TRIM54: variants seen among roughly 807,000 people sequenced by gnomAD.
The protein encoded by TRIM54 is tripartite motif containing 54.
In TRIM54, 40 loss-of-function variants were observed where a neutral mutation model predicts 42.0. The ratio of observed to expected loss-of-function variants is 0.95; its 90% CI spans 0.74 to 1.24. TRIM54 has a LOEUF of 1.24. Among genes scored for constraint, TRIM54 ranks in the 50% most tolerant of loss-of-function variants. The pLI is 0.00. For missense variants in TRIM54, 485 were observed against 480.3 expected (o/e 1.01, Z -0.09); for synonymous variants, 199 against 194.9 (o/e 1.02, Z -0.17).
chr2:27,297,306 C>T (rs549976901), intron 1 of TRIM54, among the ~76,000 whole-genome samples: 3 of 152,312 alleles, frequency 2.0e-5, no homozygotes, highest in Admixed American at 6.5e-5. Flanking sequence ...CAGAACATGG[C>T]GTAGCCAGCT....
At chr2:27,291,236 T>C (rs779637806) in intron 1 of TRIM54, among the ~76,000 whole-genome samples, 7 of 151,976 alleles carry the variant, frequency 4.6e-5, no homozygotes, top group Non-Finnish European at 1.0e-4. Context: ...ACGCCTATAG[T>C]CCCAGCTACT....
At chr2:27,296,797 T>C (rs1334765741) in intron 1 of TRIM54, among the ~76,000 whole-genome samples, 2 of 152,172 alleles carry the variant, frequency 1.3e-5, no homozygotes, top group Non-Finnish European at 2.9e-5. Context: ...TTCCCTCTGT[T>C]GCCCAGGCTG....
chr2:27,288,247 G>A (rs1358177786), intron 1 of TRIM54, among the ~76,000 whole-genome samples: 1 of 152,198 alleles, frequency 6.6e-6, no homozygotes, highest in African/African-American at 2.4e-5. Flanking sequence ...TTCAGGTTGA[G>A]GGAAATAGCC....
intron 1 of TRIM54, among the ~76,000 whole-genome samples, chr2:27,286,634 G>A (rs902841290): frequency 7.2e-5 from 11 of 152,156 alleles, no homozygotes; most frequent in Admixed American, 5.2e-4. Flanking sequence ...TTGTTTTTGA[G>A]CCTGCAACCT....
chr2:27,292,428 G>A (rs575789090), intron 1 of TRIM54, among the ~76,000 whole-genome samples: 38 of 152,182 alleles, frequency 2.5e-4, no homozygotes, highest in African/African-American at 8.2e-4. Flanking sequence ...TTAAAAATTA[G>A]CTGGGCATGG....
At chr2:27,290,309 T>C (rs766756124) in intron 1 of TRIM54, among the ~76,000 whole-genome samples, 5 of 152,234 alleles carry the variant, frequency 3.3e-5, no homozygotes, top group African/African-American at 9.7e-5. Context: ...GTAATACATG[T>C]GCTTCTTAAC....
At position 27,306,399 on chromosome 2, in the gene TRIM54, G is replaced by A. The variant is rs539313977; in HGVS notation, c.992-57G>A. The A allele has an allele frequency of 3.4e-5, 55 of 1,612,776 alleles. No individual in the cohort carries two copies. In the African/African-American group the frequency reaches 6.3e-4, roughly 18 times the overall value. On this transcript the variant is annotated intron_variant, in intron 7 of 8. Coordinates refer to ENST00000380075, the MANE Select transcript of TRIM54 (RefSeq NM_187841.3). This position sits in a 1 kb window ranked among gnomAD's most constrained non-coding sequence, Gnocchi z 6.1. ...GGACCCTCTGTGTGGGGGGTGCGGC[G>A]GGCACGATGGCCGTAAAGGCAGGGA...
rs373195341 is a variant in TRIM54, at chr2:27,305,746, G to C, written c.772G>C (p.Glu258Gln). 1.2e-6 allele frequency: 2 copies of C among 1,611,900 alleles called. No homozygotes were observed. The highest frequency in any genetic ancestry group is 2.7e-5 in the African/African-American group (2 of 74,894). The change falls in exon 5 of 9, where the codon GAG becomes CAG. Residue 258 changes from glutamate to glutamine, a missense_variant. Physicochemically the swap from Glu to Gln is conservative, Grantham distance 29. Transcript: ENST00000380075. ...CATCCGTCAGTATGGCGACCACCTG[G>C]AGGCCTCCTCTAAGCTGGTGGAGTC... ...GLIRQYGDHL[E>Q]ASSKLVESAI... is the part of the protein sequence containing the mutation.
intron 3 of TRIM54, among the ~76,000 whole-genome samples, chr2:27,301,196 A>G (rs1679026380): frequency 1.4e-5 from 2 of 146,872 alleles, no homozygotes; most frequent in South Asian, 2.1e-4. Context: ...CTGGAATGCA[A>G]TGGCGCGATC....
chr2:27,300,127 C>T (rs921626298), intron 3 of TRIM54, among the ~76,000 whole-genome samples: 4 of 152,124 alleles, frequency 2.6e-5, no homozygotes, highest in Non-Finnish European at 5.9e-5. Context: ...CAGGCATGTG[C>T]CACCATGACC....
Position 27,295,201 on chromosome 2 carries a change from C to T in TRIM54, c.169-3366C>T, listed in dbSNP as rs560985550. ...TTGAGTGATTCTTGTGCCTCAGCCT[C>T]CCGAGTAGCTGGGATCCTCAACCAT... is the stretch of plus-strand genomic sequence containing the variant. On this transcript the variant is annotated intron_variant, in intron 1 of 8. Coordinates refer to ENST00000380075, the MANE Select transcript of TRIM54 (RefSeq NM_187841.3). 2.6e-5 allele frequency among the ~76,000 whole-genome samples: 4 copies of T among 151,906 alleles called. No homozygotes were observed. In the South Asian group the frequency reaches 8.3e-4, roughly 32 times the overall value.
At chr2:27,299,743 T>C in intron 3 of TRIM54, 1 of 605,440 alleles carries the variant, frequency 1.7e-6, no homozygotes, top group Non-Finnish European at 2.9e-6. Flanking sequence ...TCTCGCTCTG[T>C]CGCCCAGGCT....
intron 1 of TRIM54, among the ~76,000 whole-genome samples, chr2:27,290,882 T>A (rs1043347254): frequency 1.3e-5 from 2 of 152,162 alleles, no homozygotes; most frequent in Non-Finnish European, 2.9e-5. Flanking sequence ...ATAGCCAGTA[T>A]AGAAGACTTT....
At chr2:27,301,394 C>A (rs1679032214) in intron 3 of TRIM54, among the ~76,000 whole-genome samples, 1 of 152,188 alleles carries the variant, frequency 6.6e-6, no homozygotes, top group Non-Finnish European at 1.5e-5. Context: ...CTCTCCTTGG[C>A]CTCCCAAAGT....
chr2:27,287,023 T>C (rs1458793056), intron 1 of TRIM54, among the ~76,000 whole-genome samples: 1 of 152,170 alleles, frequency 6.6e-6, no homozygotes, highest in Non-Finnish European at 1.5e-5. Flanking sequence ...TGTAGCAGGG[T>C]TAGGGCTCTT....
At chr2:27,285,568 A>G (rs1470345344) in intron 1 of TRIM54, among the ~76,000 whole-genome samples, 1 of 152,232 alleles carries the variant, frequency 6.6e-6, no homozygotes, top group Non-Finnish European at 1.5e-5. Context: ...AGAAGTAACT[A>G]TTACCAACTT....
At position 27,306,285 on chromosome 2, in the gene TRIM54, C is replaced by T. The variant is rs780979931; in HGVS notation, c.939C>T (p.Thr313=). The T allele has an allele frequency of 4.3e-5, 70 of 1,614,008 alleles. No individual in the cohort carries two copies. Among genetic ancestry groups the T allele is most frequent in the South Asian group, 6.6e-5 (6 of 91,084 alleles). ...EPGYESMEQF[T]VRVEHVAEML... is the part of the protein sequence containing the mutation. ...GCTATGAGAGCATGGAGCAATTCAC[C>T]GTAAGGGTGGAGCACGTGGCCGAAA... Residue 313 remains threonine (T), a synonymous_variant, in exon 7 of 9, where the codon ACC becomes ACT. Coordinates refer to ENST00000380075, the MANE Select transcript of TRIM54 (RefSeq NM_187841.3). This position sits in a 1 kb window ranked among gnomAD's most constrained non-coding sequence, Gnocchi z 6.1.
rs1207975908 is a variant in TRIM54 at position 27,299,320 on chromosome 2, G to A, written c.417G>A (p.Leu139=). ...AAGAGAAGATCAATATTTACTGCCT[G>A]AGCTGTGAGGTGCCCACCTGCTCTC... is the stretch of plus-strand genomic sequence containing the variant. ...HEEEKINIYC[L]SCEVPTCSLC... Residue 139 remains leucine (L), a synonymous_variant, in exon 3 of 9, where the codon CTG becomes CTA. Transcript: ENST00000380075. 1.2e-6 allele frequency: 2 copies of A among 1,614,062 alleles called. No homozygotes were observed. Among genetic ancestry groups the A allele is most frequent in the Non-Finnish European group, 1.7e-6 (2 of 1,180,054 alleles).
chr2:27,304,936 G>A (rs1679146158), intron 3 of TRIM54, 23 bp from the exon 4 acceptor site: 5 of 1,610,628 alleles, frequency 3.1e-6, no homozygotes, highest in African/African-American at 1.3e-5. Flanking sequence ...CCAGCTCTGA[G>A]TGCTGACCTG....
Sources: gnomAD v4.1 joint callset for allele counts (sites outside exome capture counted in the v4.1 genomes callset) on GRCh38, gnomAD v4.1.1 for gene constraint, Gnocchi (gnomAD v3.1) non-coding constraint, MANE v1.5 for transcripts, NCBI Gene and HGNC (gene_info 2026-07-23, HGNC 2026-07-21) for gene names.